The following TMEM132D variants were observed in gnomAD, a reference collection of about 807,000 sequenced individuals.
TMEM132D encodes transmembrane protein 132D, also known as mature OL transmembrane protein.
TMEM132D carries 21 observed loss-of-function variants against 62.3 expected under a neutral mutation model. The observed-to-expected ratio is 0.34, with a 90% CI of 0.24 to 0.49. TMEM132D has a LOEUF of 0.49. Among genes scored for constraint, TMEM132D ranks in the 20% least tolerant of loss-of-function variants. The pLI is 0.99. For missense variants in TMEM132D, 1,346 were observed against 1,402.8 expected (o/e 0.96, Z 0.65); for synonymous variants, 621 against 575.6 (o/e 1.08, Z -1.13).
intron 2 of TMEM132D, among the ~76,000 whole-genome samples, chr12:129,682,270 GCCA>G (rs1196665524): frequency 1.3e-5 from 2 of 152,152 alleles, no homozygotes; most frequent in African/African-American, 4.8e-5. Flanking sequence ...CAAATGTGGT[GCCA>G]CCAAGTGTGC....
chr12:129,239,899 G>C (rs962018073), intron 4 of TMEM132D, among the ~76,000 whole-genome samples: 2 of 152,124 alleles, frequency 1.3e-5, no homozygotes, highest in Non-Finnish European at 2.9e-5. Flanking sequence ...CAATACACTT[G>C]GTGTAGAACA....
chr12:129,502,031 C>G (rs558723194), intron 3 of TMEM132D, among the ~76,000 whole-genome samples: 1 of 151,940 alleles, frequency 6.6e-6, no homozygotes, highest in African/African-American at 2.4e-5. Flanking sequence ...GATGGAGTCT[C>G]GCTCTGTCGT....
In TMEM132D at chr12:129,901,874, C is replaced by CAAA. The variant is rs147085917; in HGVS notation, c.79+1384_79+1386dup. 4.8e-3 allele frequency among the ~76,000 whole-genome samples: 706 copies of CAAA among 146,376 alleles called. 7 individuals carry two copies. Among genetic ancestry groups the CAAA allele is most frequent in the South Asian group, 8.7e-3 (40 of 4,602 alleles). On this transcript the variant is annotated intron_variant, in intron 1 of 8. Transcript: ENST00000422113. ...AAGTGAGAACCAACCCCCCCCGCCC[C>CAAA]AAAAAAAAAATGCTGGGCTGTTGTT...
intron 4 of TMEM132D, among the ~76,000 whole-genome samples, chr12:129,232,584 C>T (rs536760429): frequency 1.2e-4 from 19 of 152,136 alleles, no homozygotes; most frequent in African/African-American, 4.3e-4. Context: ...TCTTCACCTC[C>T]CAGGGCTTCT....
At chr12:129,109,583 G>C (rs1402120429) in intron 5 of TMEM132D, 1 of 152,374 alleles carries the variant, frequency 6.6e-6, no homozygotes, top group African/African-American at 2.4e-5. Context: ...CGGAATCACG[G>C]GGGCTGGTCT....
chr12:129,604,132 C>T (rs1373439645), intron 2 of TMEM132D, among the ~76,000 whole-genome samples: 3 of 151,906 alleles, frequency 2.0e-5, no homozygotes, highest in African/African-American at 7.3e-5. Context: ...CACATGGACA[C>T]AAGGAGGGGA....
chr12:129,122,006 C>A (rs80059161), intron 5 of TMEM132D, among the ~76,000 whole-genome samples: 1 of 152,106 alleles, frequency 6.6e-6, no homozygotes, highest in Non-Finnish European at 1.5e-5. Context: ...CATGGAAGCC[C>A]GCCGATTCTG....
At chr12:129,156,418 A>G (rs1445889477) in intron 5 of TMEM132D, among the ~76,000 whole-genome samples, 8 of 152,190 alleles carry the variant, frequency 5.3e-5, no homozygotes, top group Admixed American at 5.2e-4. Context: ...CACTCTCATG[A>G]GAACTAACTC....
intron 4 of TMEM132D, among the ~76,000 whole-genome samples, chr12:129,266,076 C>T (rs554978430): frequency 1.1e-3 from 163 of 152,020 alleles, no homozygotes; most frequent in African/African-American, 3.7e-3. Flanking sequence ...GTCTTGGCTC[C>T]TCTATGTAGA....
chr12:129,577,636 A>G (rs1324478772), intron 2 of TMEM132D, among the ~76,000 whole-genome samples: 1 of 150,102 alleles, frequency 6.7e-6, no homozygotes, highest in Non-Finnish European at 1.5e-5. Flanking sequence ...ATTTGCATTC[A>G]TGACATACCT....
At chr12:129,627,839 T>C (rs1261210278) in intron 2 of TMEM132D, among the ~76,000 whole-genome samples, 1 of 151,890 alleles carries the variant, frequency 6.6e-6, no homozygotes, top group African/African-American at 2.4e-5. Context: ...TAAAAAAAAT[T>C]AGCCGGGCGT....
intron 1 of TMEM132D, among the ~76,000 whole-genome samples, chr12:129,849,876 G>A (rs950420032): frequency 2.6e-5 from 4 of 152,166 alleles, no homozygotes; most frequent in African/African-American, 9.7e-5. Flanking sequence ...TCTTGGTGCT[G>A]CGTGACCCCT....
chr12:129,311,247 G>C (rs542420952), intron 4 of TMEM132D, among the ~76,000 whole-genome samples: 6 of 116,618 alleles, frequency 5.1e-5, no homozygotes, highest in African/African-American at 1.5e-4. Context: ...GAACAGGACA[G>C]AAAGTGATCA....
intron 5 of TMEM132D, among the ~76,000 whole-genome samples, chr12:129,156,644 T>G (rs1219592633): frequency 6.6e-6 from 1 of 152,014 alleles, no homozygotes; most frequent in Non-Finnish European, 1.5e-5. Context: ...TCATAATAAC[T>G]AACTCACTCC....
intron 1 of TMEM132D, among the ~76,000 whole-genome samples, chr12:129,761,987 G>A (rs1207690289): frequency 5.3e-5 from 8 of 152,118 alleles, no homozygotes. Context: ...AACACCTCGG[G>A]CCTGGAATCA....
intron 2 of TMEM132D, among the ~76,000 whole-genome samples, chr12:129,627,074 C>G (rs1879239356): frequency 6.6e-6 from 1 of 152,140 alleles, no homozygotes; most frequent in South Asian, 2.1e-4. Flanking sequence ...CAAGCCAGCA[C>G]AGGTGAATTG....
chr12:129,087,598 G>A lies in TMEM132D; in HGVS notation c.1444-2896C>T, dbSNP rs192836295. ...AAGATGGAGGCAGAGGCCCAGGAAG[G>A]AAGGAGGCAACTCTGGGTGCTGGAA... is the stretch of plus-strand genomic sequence containing the variant. On this transcript the variant is annotated intron_variant, in intron 5 of 8. Transcript: ENST00000422113. 2.2e-4 allele frequency among the ~76,000 whole-genome samples: 34 copies of A among 152,158 alleles called. No individual in the cohort carries two copies. In the East Asian group the frequency reaches 5.4e-3, roughly 24 times the overall value.
chr12:129,719,073 C>CA (rs1393923387), intron 1 of TMEM132D, among the ~76,000 whole-genome samples: 15 of 73,566 alleles, frequency 2.0e-4, no homozygotes, highest in East Asian at 1.2e-3. Flanking sequence ...CTCCTCTCTA[C>CA]AAAAAAAATG....
intron 5 of TMEM132D, among the ~76,000 whole-genome samples, chr12:129,153,805 G>A (rs965706232): frequency 7.9e-5 from 12 of 152,020 alleles, no homozygotes; most frequent in Admixed American, 6.5e-5. Context: ...CTGGGGTGGC[G>A]GTTCTGCAGC....
Sources: gnomAD v4.1 joint callset for allele counts (sites outside exome capture counted in the v4.1 genomes callset) on GRCh38, gnomAD v4.1.1 for gene constraint, MANE v1.5 for transcripts, NCBI Gene and HGNC (gene_info 2026-07-23, HGNC 2026-07-21) for gene names.